The following KCNIP1 variants were observed in gnomAD, a reference collection of about 807,000 sequenced individuals.
The protein encoded by KCNIP1 is potassium voltage-gated channel interacting protein 1.
Under a neutral mutation model 33.0 loss-of-function variants are expected in KCNIP1, and 18 were observed. The observed-to-expected ratio is 0.55, with a 90% CI of 0.38 to 0.81. The LOEUF (loss-of-function observed/expected upper bound fraction) is 0.81, where lower values mean the gene tolerates loss of function less well. Ranked by LOEUF, KCNIP1 falls within the 30% of genes least tolerant of loss-of-function variation. The probability of loss-of-function intolerance (pLI) is 0.00; values close to 1 mark genes in which losing one functional copy is unlikely to be tolerated. For missense variants in KCNIP1, 238 were observed against 271.6 expected (o/e 0.88, Z 0.87); for synonymous variants, 93 against 98.3 (o/e 0.95, Z 0.32).
chr5:170,484,943 T>TC (rs11382543), intron 1 of KCNIP1, among the ~76,000 whole-genome samples: 6 of 11,708 alleles, frequency 5.1e-4, no homozygotes, highest in Non-Finnish European at 1.5e-3. Context: ...TTCTTTTTTC[T>TC]TTTTTTTTTT....
chr5:170,435,517 T>C (rs1030213991), intron 1 of KCNIP1, among the ~76,000 whole-genome samples: 2 of 152,192 alleles, frequency 1.3e-5, no homozygotes, highest in African/African-American at 2.4e-5. Context: ...TGGGGCTTTT[T>C]TGCAAGCTCA....
chr5:170,722,286 G>A (rs1763851595), intron 4 of KCNIP1, among the ~76,000 whole-genome samples: 2 of 152,150 alleles, frequency 1.3e-5, no homozygotes, highest in Admixed American at 6.5e-5. Context: ...GAGAGATAGA[G>A]TAGTTTTCCC....
intron 1 of KCNIP1, among the ~76,000 whole-genome samples, chr5:170,429,285 C>T (rs779648059): frequency 4.6e-5 from 7 of 152,036 alleles, no homozygotes; most frequent in Admixed American, 6.6e-5. Flanking sequence ...CTCACTGAGT[C>T]CCCAGTGTCT....
At chr5:170,383,363 T>C (rs1171000687) in intron 1 of KCNIP1, 1 of 592,486 alleles carries the variant, frequency 1.7e-6, no homozygotes, top group Non-Finnish European at 3.0e-6. Flanking sequence ...AGCGTGGCAC[T>C]TTATATACAG....
At chr5:170,357,223 G>A (rs896979937) in intron 1 of KCNIP1, among the ~76,000 whole-genome samples, 1 of 152,108 alleles carries the variant, frequency 6.6e-6, no homozygotes, top group African/African-American at 2.4e-5. Flanking sequence ...CTGTGGCTCG[G>A]AAGCCTCGGA....
intron 1 of KCNIP1, among the ~76,000 whole-genome samples, chr5:170,576,593 AC>A (rs1371964999): frequency 6.6e-6 from 1 of 152,062 alleles, no homozygotes; most frequent in Non-Finnish European, 1.5e-5. Flanking sequence ...CTGCCCCCAT[AC>A]CCCATGATTT....
At chr5:170,526,506 A>T (rs1755574543) in intron 1 of KCNIP1, among the ~76,000 whole-genome samples, 2 of 152,140 alleles carry the variant, frequency 1.3e-5, no homozygotes. Flanking sequence ...CACTGCACCC[A>T]GATTACATCC....
At chr5:170,481,742 G>T (rs1756982026) in intron 1 of KCNIP1, among the ~76,000 whole-genome samples, 2 of 152,134 alleles carry the variant, frequency 1.3e-5, no homozygotes, top group African/African-American at 4.8e-5. Flanking sequence ...ATCTGAAGGG[G>T]CTTATGAATT....
chr5:170,684,288 C>A (rs1258177017), intron 1 of KCNIP1, among the ~76,000 whole-genome samples: 3 of 152,126 alleles, frequency 2.0e-5, no homozygotes, highest in Non-Finnish European at 2.9e-5. Context: ...CTTAAAACAA[C>A]AAACATTTAT....
rs189845959 is a variant in KCNIP1 at position 170,371,666 on chromosome 5, C to T, written c.88+17702C>T. On this transcript the variant is annotated intron_variant, in intron 1 of 7. Transcript: ENST00000377360. Reference sequence around the variant, plus strand: ...TGTTGTTACTGTTCAATGAGCTGTGCCTGGAAAGATCCTGGCATTCAGGTA... The same window carrying T: ...TGTTGTTACTGTTCAATGAGCTGTGTCTGGAAAGATCCTGGCATTCAGGTA... Among the ~76,000 whole-genome samples the T allele has an allele frequency of 1.3e-4, 20 of 152,258 alleles. No individual in the cohort carries two copies. The South Asian group carries it at 2.1e-3, about 16-fold the overall frequency.
At chr5:170,660,385 AAC>A (rs1448533359) in intron 1 of KCNIP1, among the ~76,000 whole-genome samples, 2 of 150,466 alleles carry the variant, frequency 1.3e-5, no homozygotes, top group East Asian at 3.9e-4. Context: ...AAAAAAAAAA[AAC>A]ATTCATTTGT....
rs146583022 is a variant in KCNIP1 at position 170,687,107 on chromosome 5, G to A, written c.62-31651G>A. Among the ~76,000 whole-genome samples the A allele has an allele frequency of 8.6e-5, 13 of 152,018 alleles. No individual in the cohort carries two copies. The East Asian group carries it at 9.6e-4, about 11-fold the overall frequency. ...CATGCCCTCTGGACTCTGGCTGCTC[G>A]TCAATCACTCTTAAAAATCCGGTTT... On this transcript the variant is annotated intron_variant, in intron 1 of 7. Transcript: ENST00000328939.
chr5:170,735,426 A>C (rs1290405914), intron 7 of KCNIP1, among the ~76,000 whole-genome samples: 2 of 152,254 alleles, frequency 1.3e-5, no homozygotes, highest in Non-Finnish European at 2.9e-5. Context: ...AACATTCAAT[A>C]ATTGGTCAGT....
intron 1 of KCNIP1, among the ~76,000 whole-genome samples, chr5:170,614,287 G>A (rs568029505): frequency 4.6e-5 from 7 of 152,324 alleles, no homozygotes; most frequent in South Asian, 2.1e-4. Context: ...CAGCCCATTC[G>A]GCAGGCAGTG....
chr5:170,383,595 G>T, intron 1 of KCNIP1: 1 of 1,483,134 alleles, frequency 6.7e-7, no homozygotes, highest in Non-Finnish European at 9.3e-7. Context: ...ATCTTTCTCA[G>T]CCTCGGGGAC....
chr5:170,504,509 T>C lies in KCNIP1; in HGVS notation c.-64T>C. 6.2e-7 allele frequency: 1 copy of C among 1,606,494 alleles called. No homozygotes were observed. The highest frequency in any genetic ancestry group is 1.1e-5 in the South Asian group (1 of 90,952). On this transcript the variant is annotated 5_prime_UTR_variant, in exon 1 of 8. Transcript: ENST00000328939. The surrounding 1 kb of genome is among the most constrained non-coding windows in gnomAD (Gnocchi z 6.0). ...TTCAGAGTAGACAAACCACGGGGAT[T>C]TCTTTCCAGGGTAGGGGAGGGGCCG...
intron 1 of KCNIP1, among the ~76,000 whole-genome samples, chr5:170,665,862 C>T (rs1456538617): frequency 6.6e-6 from 1 of 152,186 alleles, no homozygotes; most frequent in Non-Finnish European, 1.5e-5. Flanking sequence ...GATGATTGCA[C>T]TGGGGTTTGG....
intron 1 of KCNIP1, among the ~76,000 whole-genome samples, chr5:170,509,386 G>A (rs1417178232): frequency 6.6e-6 from 1 of 152,158 alleles, no homozygotes; most frequent in Non-Finnish European, 1.5e-5. Flanking sequence ...ATGGAAGACA[G>A]AGGAGAAGGA....
intron 1 of KCNIP1, among the ~76,000 whole-genome samples, chr5:170,498,981 G>T (rs571170853): frequency 6.6e-6 from 1 of 152,268 alleles, no homozygotes; most frequent in East Asian, 1.9e-4. Flanking sequence ...AGCACACTTA[G>T]GATGTTCTGG....
Sources: allele counts gnomAD v4.1 joint callset (sites outside exome capture counted in the v4.1 genomes callset), GRCh38; gene constraint gnomAD v4.1.1; non-coding constraint Gnocchi (gnomAD v3.1); transcripts MANE v1.5; gene names NCBI Gene and HGNC (gene_info 2026-07-23, HGNC 2026-07-21).